Variants in TMEM87A observed in about 807,000 individuals in gnomAD.
The protein encoded by TMEM87A is Golgi-pH regulating cation channel.
In TMEM87A, 50 loss-of-function variants were observed where a neutral mutation model predicts 90.0. The ratio of observed to expected loss-of-function variants is 0.56; its 90% CI spans 0.44 to 0.70. TMEM87A has a LOEUF of 0.70. Among genes scored for constraint, TMEM87A ranks in the 30% least tolerant of loss-of-function variants. The probability of loss-of-function intolerance (pLI) is 0.00; values close to 1 mark genes in which losing one functional copy is unlikely to be tolerated. For missense variants in TMEM87A, 577 were observed against 660.5 expected, an observed-to-expected ratio of 0.87 and a Z score of 1.39; for synonymous variants, 226 against 226.7, an observed-to-expected ratio of 1.00 and a Z score of 0.03.
intron 12 of TMEM87A, among the ~76,000 whole-genome samples, 162 bp downstream of exon 12, chr15:42,231,030 T>C (rs943462518): frequency 1.3e-5 from 2 of 152,086 alleles, no homozygotes; most frequent in African/African-American, 2.4e-5. Flanking sequence ...CAAAAAAAAC[T>C]GCTTACCTGA....
intron 7 of TMEM87A, among the ~76,000 whole-genome samples, chr15:42,243,703 G>A (rs12324085): frequency 0.017 from 2,513 of 151,860 alleles, 73 homozygotes; most frequent in African/African-American, 0.058. Flanking sequence ...ATTTTTAGTA[G>A]AGACGGGGTT....
Position 42,220,597 on chromosome 15 carries a change from T to C in TMEM87A, c.1404-462A>G, listed in dbSNP as rs2050460732. On this transcript the variant is annotated intron_variant, in intron 15 of 19. Coordinates refer to ENST00000389834, the MANE Select transcript of TMEM87A (RefSeq NM_015497.5). Reference sequence around the variant, plus strand: ...TAATTTAAAATCGCAGCCTTCAAATTGGGAGTTAAGAGAAGGGAGGCCTAT... The same window carrying C: ...TAATTTAAAATCGCAGCCTTCAAATCGGGAGTTAAGAGAAGGGAGGCCTAT... Among the ~76,000 whole-genome samples, 4 of 149,498 alleles carry C rather than the reference T, an allele frequency of 2.7e-5. No homozygotes were observed. The South Asian group carries it at 8.7e-4, about 32-fold the overall frequency.
At chr15:42,254,877 A>G (rs1239710089) in intron 6 of TMEM87A, among the ~76,000 whole-genome samples, 1 of 152,212 alleles carries the variant, frequency 6.6e-6, no homozygotes, top group African/African-American at 2.4e-5. Flanking sequence ...TGGTTCATCA[A>G]CTTTAACAGT....
intron 12 of TMEM87A, 55 bp downstream of exon 12, chr15:42,231,137 C>T (rs1408138767): frequency 1.5e-6 from 2 of 1,340,052 alleles, no homozygotes; most frequent in African/African-American, 6.8e-5. Flanking sequence ...TCAATGGAAA[C>T]CCATCTCAAG....
chr15:42,254,559 G>C (rs1405493950), intron 6 of TMEM87A, among the ~76,000 whole-genome samples: 1 of 152,204 alleles, frequency 6.6e-6, no homozygotes, highest in African/African-American at 2.4e-5. Flanking sequence ...AGAAGACATG[G>C]AGGAAACTTA....
At chr15:42,260,871 C>T in intron 6 of TMEM87A, 87 bp downstream of exon 6, 5 of 1,392,864 alleles carry the variant, frequency 3.6e-6, no homozygotes. Flanking sequence ...CAAATATTAG[C>T]ATAGTATGGG....
chr15:42,257,310 TA>T (rs199512288), intron 6 of TMEM87A, among the ~76,000 whole-genome samples: 1 of 150,520 alleles, frequency 6.6e-6, no homozygotes, highest in Non-Finnish European at 1.5e-5. Flanking sequence ...CCTTGATTAT[TA>T]AAAAAAAAGC....
chr15:42,243,674 C>G (rs1305441393), intron 7 of TMEM87A, among the ~76,000 whole-genome samples: 2 of 151,860 alleles, frequency 1.3e-5, no homozygotes, highest in Non-Finnish European at 2.9e-5. Context: ...CATGTGCCAC[C>G]ACACCGAGCT....
rs1364121405 is a variant in TMEM87A, at chr15:42,239,696, T to C, written c.658A>G (p.Thr220Ala). The change falls in exon 8 of 20, where the codon ACA becomes GCA. Residue 220 changes from threonine to alanine, a missense_variant. By Grantham distance (58) the Thr-to-Ala change is moderately conservative. Transcript: ENST00000389834. ...ATCATCAAGGGATAGTCTTCAAGTG[T>C]GAGGTATTCATAGGGACCCTTCACT... The part of the protein sequence containing the change: ...VEVKGPYEYL[T>A]LEDYPLMIFF... The C allele has an allele frequency of 6.2e-7, 1 of 1,613,938 alleles. No homozygotes were observed. The highest frequency in any genetic ancestry group is 1.1e-5 in the South Asian group (1 of 91,076).
At chr15:42,245,975 T>C (rs976871843) in intron 6 of TMEM87A, among the ~76,000 whole-genome samples, 1 of 152,250 alleles carries the variant, frequency 6.6e-6, no homozygotes, top group Non-Finnish European at 1.5e-5. Context: ...CACAATGATG[T>C]GCAAATATCA....
chr15:42,255,977 A>G (rs897429023), intron 6 of TMEM87A, among the ~76,000 whole-genome samples: 1 of 141,012 alleles, frequency 7.1e-6, no homozygotes, highest in Non-Finnish European at 1.5e-5. Flanking sequence ...ATGAGGTTTC[A>G]CCATGTTTGC....
chr15:42,254,234 G>A (rs1337868473), intron 6 of TMEM87A, among the ~76,000 whole-genome samples: 2 of 152,136 alleles, frequency 1.3e-5, no homozygotes, highest in African/African-American at 4.8e-5. Flanking sequence ...CAGACAGACA[G>A]CCTACAAGAG....
At chr15:42,259,485 T>C (rs1430288282) in intron 6 of TMEM87A, among the ~76,000 whole-genome samples, 1 of 152,210 alleles carries the variant, frequency 6.6e-6, no homozygotes, top group Non-Finnish European at 1.5e-5. Flanking sequence ...TTATCTGACC[T>C]GACTCAGAGA....
At chr15:42,271,795 T>C (rs954275826) in intron 2 of TMEM87A, among the ~76,000 whole-genome samples, 4 of 150,866 alleles carry the variant, frequency 2.7e-5, no homozygotes, top group African/African-American at 7.3e-5. Context: ...ACAGCATATA[T>C]ATTAATATAT....
rs2050411342 is a variant in TMEM87A, at chr15:42,218,023, A to C, written c.1596-190T>G. The C allele has an allele frequency of 6.0e-6, 4 of 662,790 alleles. No homozygotes were observed. The South Asian group carries it at 6.7e-5, about 11-fold the overall frequency. The allele number at this position is 662,790 out of a possible 1,614,324, so 41.1% of individuals were successfully genotyped here. The stretch of plus-strand genomic sequence containing the variant: ...GTTACAGAAATTGTATAGAAAAAAA[A>C]CGTATTTTGCAATGCAACAGGACCA... On this transcript the variant is annotated intron_variant, in intron 18 of 19. Transcript: ENST00000389834.
intron 6 of TMEM87A, chr15:42,259,020 T>G: frequency 1.3e-6 from 1 of 750,830 alleles, no homozygotes; most frequent in Non-Finnish European, 2.4e-6. Context: ...TTGAGATGTC[T>G]GTGTTCACCC....
At chr15:42,233,442 GAA>G (rs1005385189) in intron 10 of TMEM87A, 136 bp from the exon 11 acceptor site, 2 of 617,864 alleles carry the variant, frequency 3.2e-6, no homozygotes, top group African/African-American at 3.7e-5. Context: ...TCACCTAAGA[GAA>G]AAAAACTAAG....
rs118001408 is a variant in TMEM87A, at chr15:42,266,813, C to A, written c.291+1134G>T. Among the ~76,000 whole-genome samples the A allele has an allele frequency of 8.4e-3, 1,273 of 152,184 alleles. 3 individuals are homozygous for A. Among genetic ancestry groups the A allele is most frequent in the Non-Finnish European group, 0.012 (816 of 68,012 alleles). On this transcript the variant is annotated intron_variant, in intron 3 of 19. Coordinates refer to ENST00000389834, the MANE Select transcript of TMEM87A (RefSeq NM_015497.5). ...GACAAAATGGAAAGCATGCAAAATACAATAAATTATTGTCTTGAGATAAAG... is the reference window on the plus strand; with the variant it reads ...GACAAAATGGAAAGCATGCAAAATAAAATAAATTATTGTCTTGAGATAAAG...
At chr15:42,239,552 A>G in intron 8 of TMEM87A, 118 bp downstream of exon 8, 1 of 873,440 alleles carries the variant, frequency 1.1e-6, no homozygotes, top group Non-Finnish European at 1.9e-6. Flanking sequence ...GACTACAAGC[A>G]ACATTTTCTG....
Sources: allele counts gnomAD v4.1 joint callset (sites outside exome capture counted in the v4.1 genomes callset), GRCh38; gene constraint gnomAD v4.1.1; transcripts MANE v1.5; gene names NCBI Gene and HGNC (gene_info 2026-07-23, HGNC 2026-07-21).